Variants in LRBA observed in about 807,000 individuals in gnomAD.
LRBA encodes lipopolysaccharide-responsive and beige-like anchor protein.
LRBA carries 176 observed loss-of-function variants against 330.0 expected under a neutral mutation model. The observed-to-expected ratio is 0.53, with a 90% CI of 0.47 to 0.60. LRBA has a LOEUF of 0.60. Ranked by LOEUF, LRBA falls within the 20% of genes least tolerant of loss-of-function variation. The pLI is 0.00. For missense variants in LRBA, 3,259 were observed against 3,444.8 expected (o/e 0.95, Z 1.35); for synonymous variants, 1,230 against 1,193.0 (o/e 1.03, Z -0.64).
intron 29 of LRBA, among the ~76,000 whole-genome samples, chr4:150,830,407 C>T (rs1441033617): frequency 1.3e-5 from 2 of 152,138 alleles, no homozygotes; most frequent in African/African-American, 4.8e-5. Context: ...TGAAGGAAAC[C>T]AGGAACTCAG....
intron 31 of LRBA, 38 bp downstream of exon 31, chr4:150,817,085 TA>T: frequency 6.3e-7 from 1 of 1,596,644 alleles, no homozygotes; most frequent in Non-Finnish European, 8.6e-7. Flanking sequence ...AAATGAGATC[TA>T]AAAACATTTT....
chr4:150,432,450 G>GTTTTTT (rs1235370407), intron 46 of LRBA, among the ~76,000 whole-genome samples: 19 of 70,850 alleles, frequency 2.7e-4, no homozygotes, highest in Non-Finnish European at 3.6e-4. Context: ...ATTTAAGTGT[G>GTTTTTT]TTCTTTTTTT....
At chr4:150,608,463 C>T (rs1356430043) in intron 37 of LRBA, among the ~76,000 whole-genome samples, 1 of 151,988 alleles carries the variant, frequency 6.6e-6, no homozygotes, top group Non-Finnish European at 1.5e-5. Context: ...TAGAACGGTG[C>T]CAAAAAAGAC....
chr4:150,569,324 T>C (rs1011819323), intron 40 of LRBA, among the ~76,000 whole-genome samples: 3 of 152,148 alleles, frequency 2.0e-5, no homozygotes, highest in South Asian at 2.1e-4. Context: ...ACAATGTGTG[T>C]TTAACTTTAA....
chr4:150,690,501 CA>C (rs70941425), intron 36 of LRBA, among the ~76,000 whole-genome samples: 105,382 of 123,734 alleles, frequency 0.85, 44,545 homozygotes, highest in Non-Finnish European at 0.92. Context: ...GACTCCATCT[CA>C]AAAAAAAAAA....
intron 53 of LRBA, among the ~76,000 whole-genome samples, chr4:150,295,869 T>C (rs964421058): frequency 6.6e-6 from 1 of 152,206 alleles, no homozygotes; most frequent in Admixed American, 6.5e-5. Flanking sequence ...GTGCTTCTTT[T>C]TTCCTACTTG....
chr4:150,713,534 C>A (rs556161654), intron 36 of LRBA, among the ~76,000 whole-genome samples: 3 of 152,132 alleles, frequency 2.0e-5, no homozygotes, highest in Non-Finnish European at 4.4e-5. Context: ...TTTGGCAGTA[C>A]TCTTTTTGCC....
intron 44 of LRBA, among the ~76,000 whole-genome samples, chr4:150,465,618 T>A (rs536170349): frequency 1.4e-4 from 21 of 152,288 alleles, no homozygotes; most frequent in African/African-American, 4.1e-4. Flanking sequence ...ATTAGTGATG[T>A]TCATTTTCAT....
At chr4:150,467,870 T>C (rs1246374152) in intron 43 of LRBA, 85 bp from the exon 44 acceptor site, 4 of 590,448 alleles carry the variant, frequency 6.8e-6, no homozygotes, top group Non-Finnish European at 1.2e-5. Flanking sequence ...AAAAATAAGA[T>C]TAAACAATTT....
intron 35 of LRBA, among the ~76,000 whole-genome samples, chr4:150,751,077 T>C (rs1733472441): frequency 6.6e-6 from 1 of 152,136 alleles, no homozygotes; most frequent in Non-Finnish European, 1.5e-5. Flanking sequence ...TCTAAATTTA[T>C]CTAAGCAATT....
rs111898246 is a variant in LRBA at position 150,631,362 on chromosome 4, G to A, written c.5922-32231C>T. Among the ~76,000 whole-genome samples the A allele has an allele frequency of 1.3e-3, 193 of 152,072 alleles. 3 individuals are homozygous for A. The highest frequency in any genetic ancestry group is 4.5e-3 in the African/African-American group (185 of 41,514). ...ACACCAAAAAAGGGACTTGTTTCTC[G>A]GAATGAGAGTATAAAACATTAGGAG... On this transcript the variant is annotated intron_variant, in intron 37 of 56. Coordinates refer to ENST00000651943, the MANE Select transcript of LRBA (RefSeq NM_001364905.1).
intron 31 of LRBA, among the ~76,000 whole-genome samples, chr4:150,811,111 C>A (rs1743657500): frequency 6.6e-6 from 1 of 152,130 alleles, no homozygotes; most frequent in Admixed American, 6.6e-5. Context: ...ACTTCACAGA[C>A]CCAATGGCTT....
rs566545034 is a variant in LRBA, at chr4:150,354,948, A to G, written c.7195-4789T>C. 3.3e-4 allele frequency among the ~76,000 whole-genome samples: 50 copies of G among 151,850 alleles called. No individual in the cohort carries two copies. In the South Asian group the frequency reaches 4.6e-3, roughly 14 times the overall value. ...AATTACAATATGTGTGTGTGTGTGT[A>G]TATATATATGTGTGTGTCTGTGTGC... On this transcript the variant is annotated intron_variant, in intron 47 of 56. Transcript: ENST00000651943.
intron 47 of LRBA, among the ~76,000 whole-genome samples, chr4:150,357,293 G>A (rs766352246): frequency 6.6e-6 from 1 of 151,910 alleles, no homozygotes; most frequent in Non-Finnish European, 1.5e-5. Flanking sequence ...GATTGTTATT[G>A]TGTAGTTTTA....
At chr4:150,517,773 C>G (rs1222717314) in intron 40 of LRBA, among the ~76,000 whole-genome samples, 2 of 151,982 alleles carry the variant, frequency 1.3e-5, no homozygotes, top group African/African-American at 4.8e-5. Context: ...AAGTAGAATT[C>G]CCTTATCCAC....
chr4:150,919,870 G>A (rs141338996), intron 5 of LRBA, among the ~76,000 whole-genome samples: 1,679 of 152,254 alleles, frequency 0.011, 28 homozygotes, highest in Non-Finnish European at 0.012. Context: ...ATAAATGCAT[G>A]CACTGCAATC....
intron 36 of LRBA, among the ~76,000 whole-genome samples, chr4:150,702,034 G>C (rs1785171618): frequency 6.6e-6 from 1 of 152,214 alleles, no homozygotes; most frequent in Non-Finnish European, 1.5e-5. Context: ...AGGGGAAAAA[G>C]TTAGGAGAAA....
intron 30 of LRBA, among the ~76,000 whole-genome samples, chr4:150,819,541 G>A (rs1375502687): frequency 6.6e-6 from 1 of 152,016 alleles, no homozygotes; most frequent in Admixed American, 6.6e-5. Flanking sequence ...TTGATTGATG[G>A]ATACATGGTG....
chr4:150,491,567 C>G (rs529398555), intron 40 of LRBA, among the ~76,000 whole-genome samples: 1 of 152,172 alleles, frequency 6.6e-6, no homozygotes, highest in Non-Finnish European at 1.5e-5. Flanking sequence ...TCAGAAAGCA[C>G]AAACACTGAC....
Sources: gnomAD v4.1 joint callset for allele counts (sites outside exome capture counted in the v4.1 genomes callset) on GRCh38, gnomAD v4.1.1 for gene constraint, MANE v1.5 for transcripts, NCBI Gene and HGNC (gene_info 2026-07-23, HGNC 2026-07-21) for gene names.